The following CDH4 variants were observed in gnomAD, a reference collection of about 807,000 sequenced individuals.
CDH4 encodes cadherin 4, also known as cadherin-4.
Under a neutral mutation model 86.0 loss-of-function variants are expected in CDH4, and 33 were observed. The ratio of observed to expected loss-of-function variants is 0.38; its 90% confidence interval spans 0.29 to 0.51. The LOEUF (loss-of-function observed/expected upper bound fraction) is 0.51. Among genes scored for constraint, CDH4 ranks in the 20% least tolerant of loss-of-function variants. CDH4 has a pLI of 0.86. For synonymous variants in CDH4, 555 were observed against 549.4 expected (o/e 1.01, Z -0.14); for missense variants, 1,114 against 1,307.4 (o/e 0.85, Z 2.28).
chr20:61,514,312 C>CG, intron 2 of CDH4, among the ~76,000 whole-genome samples: 1 of 129,666 alleles, frequency 7.7e-6, no homozygotes, highest in African/African-American at 3.7e-5. Flanking sequence ...GTCCGCCCCC[C>CG]CCGCCCCCCC....
intron 2 of CDH4, among the ~76,000 whole-genome samples, chr20:61,455,815 T>G (rs1171687285): frequency 6.6e-6 from 1 of 152,130 alleles, no homozygotes; most frequent in East Asian, 1.9e-4. Context: ...GTATGGTCCT[T>G]ACATGTCATC....
chr20:61,493,722 C>T (rs933181139), intron 2 of CDH4, among the ~76,000 whole-genome samples: 2 of 152,202 alleles, frequency 1.3e-5, no homozygotes, highest in African/African-American at 2.4e-5. Flanking sequence ...TCTCATGCCT[C>T]CCTAGCCAGT....
At chr20:61,661,856 A>T (rs2087261257) in intron 2 of CDH4, among the ~76,000 whole-genome samples, 1 of 152,046 alleles carries the variant, frequency 6.6e-6, no homozygotes. Flanking sequence ...CCTTCTATGG[A>T]TCCCCATTTA....
intron 2 of CDH4, among the ~76,000 whole-genome samples, chr20:61,498,165 C>T (rs967239792): frequency 2.6e-5 from 4 of 151,824 alleles, no homozygotes; most frequent in African/African-American, 4.8e-5. Context: ...ATGTAACTAA[C>T]CTGCACGTTG....
At chr20:61,814,107 C>T (rs561536107) in intron 4 of CDH4, among the ~76,000 whole-genome samples, 6 of 152,322 alleles carry the variant, frequency 3.9e-5, no homozygotes, top group South Asian at 4.1e-4. Context: ...GGGCTCAGTA[C>T]GGGGAGCAGG....
intron 2 of CDH4, among the ~76,000 whole-genome samples, chr20:61,636,090 G>A (rs556504123): frequency 1.3e-5 from 2 of 152,354 alleles, no homozygotes; most frequent in Admixed American, 6.5e-5. Flanking sequence ...GGGGTCCACC[G>A]TGGGTCATTC....
intron 2 of CDH4, among the ~76,000 whole-genome samples, chr20:61,322,754 G>T (rs547508307): frequency 6.6e-6 from 1 of 152,196 alleles, no homozygotes; most frequent in African/African-American, 2.4e-5. Flanking sequence ...GGCAGGGAGC[G>T]GAACACTCAC....
At chr20:61,928,479 G>C (rs879892036) in intron 12 of CDH4, 56 bp downstream of exon 12, 37 of 1,485,940 alleles carry the variant, frequency 2.5e-5, no homozygotes, top group Non-Finnish European at 3.5e-5. Context: ...GCAGGCCCCT[G>C]GGAGACCCAG....
chr20:61,736,798 C>T (rs544530891), intron 2 of CDH4, among the ~76,000 whole-genome samples: 4 of 152,040 alleles, frequency 2.6e-5, no homozygotes, highest in South Asian at 4.2e-4. Flanking sequence ...CATGAGGTCA[C>T]CCGGGGCGGG....
intron 3 of CDH4, among the ~76,000 whole-genome samples, chr20:61,752,204 C>A (rs1178507945): frequency 2.6e-5 from 4 of 152,036 alleles, no homozygotes; most frequent in Admixed American, 2.6e-4. Flanking sequence ...TGGTGGTGCA[C>A]ACCTGTAATC....
At chr20:61,438,156 C>T (rs2085295516) in intron 2 of CDH4, among the ~76,000 whole-genome samples, 1 of 152,242 alleles carries the variant, frequency 6.6e-6, no homozygotes, top group Non-Finnish European at 1.5e-5. Context: ...CAAAATGCAC[C>T]TTGCATTTCC....
intron 6 of CDH4, among the ~76,000 whole-genome samples, chr20:61,865,073 G>A (rs142909219): frequency 4.9e-4 from 74 of 152,080 alleles, no homozygotes; most frequent in Non-Finnish European, 8.8e-4. Flanking sequence ...CTCATGCCCC[G>A]ACCCCTGCCT....
intron 2 of CDH4, among the ~76,000 whole-genome samples, chr20:61,668,997 G>A (rs948414358): frequency 1.3e-5 from 2 of 152,200 alleles, no homozygotes; most frequent in South Asian, 4.1e-4. Context: ...TGTTCCAGGA[G>A]GACCCCTGTC....
At chr20:61,547,198 C>CTTTTTTTT (rs779375514) in intron 2 of CDH4, among the ~76,000 whole-genome samples, 1 of 93,608 alleles carries the variant, frequency 1.1e-5, no homozygotes, top group African/African-American at 4.8e-5. Context: ...CCCCAGAGCT[C>CTTTTTTTT]TTTTTTTTTT....
intron 2 of CDH4, among the ~76,000 whole-genome samples, chr20:61,414,027 C>T (rs747953080): frequency 6.6e-6 from 1 of 152,214 alleles, no homozygotes; most frequent in Non-Finnish European, 1.5e-5. Context: ...AAGGTTGTGC[C>T]TCTGTGTGTG....
intron 2 of CDH4, among the ~76,000 whole-genome samples, chr20:61,548,326 G>A (rs2086103665): frequency 6.6e-6 from 1 of 152,116 alleles, no homozygotes; most frequent in East Asian, 1.9e-4. Context: ...CGGGCAGGCA[G>A]GTGGAAGGAG....
chr20:61,868,925 G>C (rs1983673860), intron 6 of CDH4, among the ~76,000 whole-genome samples: 1 of 152,232 alleles, frequency 6.6e-6, no homozygotes, highest in Admixed American at 6.5e-5. Flanking sequence ...GGCACCTGCA[G>C]CTCACAGGCT....
chr20:61,478,967 T>G (rs1002493264), intron 2 of CDH4, among the ~76,000 whole-genome samples: 4 of 152,170 alleles, frequency 2.6e-5, no homozygotes, highest in Non-Finnish European at 5.9e-5. Context: ...GAAATTTTTT[T>G]TTTTTTTGGC....
chr20:61,697,067 A>C (rs1249510931), intron 2 of CDH4, among the ~76,000 whole-genome samples: 1 of 152,180 alleles, frequency 6.6e-6, no homozygotes, highest in Non-Finnish European at 1.5e-5. Context: ...GGCCCTGCAC[A>C]CACCTTGATC....
Sources: allele counts gnomAD v4.1 joint callset (sites outside exome capture counted in the v4.1 genomes callset), GRCh38; gene constraint gnomAD v4.1.1; transcripts MANE v1.5; gene names NCBI Gene and HGNC (gene_info 2026-07-23, HGNC 2026-07-21).